NEGR1: variants seen among roughly 807,000 people sequenced by gnomAD.
The protein encoded by NEGR1 is IgLON family member 4.
A neutral mutation model predicts 40.9 loss-of-function variants in NEGR1; 10 were observed. The observed-to-expected ratio is 0.24, with a 90% confidence interval of 0.15 to 0.42. The LOEUF is 0.42. Ranked by LOEUF, NEGR1 falls within the 10% of genes least tolerant of loss-of-function variation. The probability of loss-of-function intolerance (pLI) is 1.00; values close to 1 mark genes in which losing one functional copy is unlikely to be tolerated. For missense variants in NEGR1, 352 were observed against 438.9 expected (o/e 0.80, Z 1.77); for synonymous variants, 185 against 166.8 (o/e 1.11, Z -0.84).
At chr1:71,971,648 A>G (rs900580080) in intron 1 of NEGR1, among the ~76,000 whole-genome samples, 1 of 152,218 alleles carries the variant, frequency 6.6e-6, no homozygotes, top group Non-Finnish European at 1.5e-5. Context: ...ATCACATCCA[A>G]ATTGATCATG....
chr1:71,670,951 C>T (rs1312292699), intron 4 of NEGR1, among the ~76,000 whole-genome samples: 1 of 151,882 alleles, frequency 6.6e-6, no homozygotes, highest in Non-Finnish European at 1.5e-5. Flanking sequence ...CTTTTTGATG[C>T]CTTTAAATAA....
At chr1:72,172,545 T>G (rs2630433) in intron 1 of NEGR1, among the ~76,000 whole-genome samples, 148,891 of 152,220 alleles carry the variant, frequency 0.98, 72,838 homozygotes, top group East Asian at 1. Flanking sequence ...AAATCCATTT[T>G]TCATCATAAA....
intron 5 of NEGR1, among the ~76,000 whole-genome samples, chr1:71,602,010 G>T (rs925755633): frequency 2.2e-4 from 34 of 152,116 alleles, no homozygotes; most frequent in African/African-American, 7.5e-4. Flanking sequence ...AAAGGGACTA[G>T]ATTGTTTTAG....
intron 1 of NEGR1, among the ~76,000 whole-genome samples, chr1:72,178,695 T>TTTTG (rs974289460): frequency 1.3e-5 from 2 of 151,750 alleles, no homozygotes; most frequent in Admixed American, 1.3e-4. Context: ...GTCTGTTTTT[T>TTTTG]TTTGTTTGTT....
At chr1:72,243,544 G>T in intron 1 of NEGR1, among the ~76,000 whole-genome samples, 1 of 151,778 alleles carries the variant, frequency 6.6e-6, no homozygotes, top group East Asian at 1.9e-4. Context: ...ACTGGACTTT[G>T]CAGCAGAGTC....
intron 1 of NEGR1, among the ~76,000 whole-genome samples, chr1:72,196,116 A>G (rs936574169): frequency 6.6e-6 from 1 of 152,062 alleles, no homozygotes. Flanking sequence ...GATTCCTAAT[A>G]ATGCTAAATA....
intron 1 of NEGR1, among the ~76,000 whole-genome samples, chr1:72,101,610 A>G (rs1648949484): frequency 6.6e-6 from 1 of 152,170 alleles, no homozygotes; most frequent in Non-Finnish European, 1.5e-5. Context: ...TCAGAAACTC[A>G]GAAGACTGTA....
intron 6 of NEGR1, among the ~76,000 whole-genome samples, chr1:71,418,403 T>C (rs1316086734): frequency 1.3e-5 from 2 of 151,982 alleles, no homozygotes. Flanking sequence ...ATCCTCTGCC[T>C]CTCGGGTTCA....
intron 2 of NEGR1, among the ~76,000 whole-genome samples, chr1:71,779,487 T>C (rs1656623428): frequency 6.6e-6 from 1 of 152,202 alleles, no homozygotes; most frequent in Non-Finnish European, 1.5e-5. Flanking sequence ...AATTTTGTGT[T>C]GGTTTATTTT....
At chr1:71,519,815 A>T (rs566924197) in intron 6 of NEGR1, among the ~76,000 whole-genome samples, 2 of 152,110 alleles carry the variant, frequency 1.3e-5, no homozygotes, top group East Asian at 3.9e-4. Flanking sequence ...AGTCTTAGGC[A>T]GCCCATTTTG....
chr1:72,207,873 C>T (rs1653466940), intron 1 of NEGR1, among the ~76,000 whole-genome samples: 1 of 151,654 alleles, frequency 6.6e-6, no homozygotes, highest in African/African-American at 2.4e-5. Context: ...AATGTTCTAA[C>T]AATTTATAGT....
chr1:71,465,894 C>T (rs796391326), intron 6 of NEGR1, among the ~76,000 whole-genome samples: 5 of 151,820 alleles, frequency 3.3e-5, no homozygotes, highest in African/African-American at 1.2e-4. Context: ...ATAATAAGTC[C>T]TTGGATTAGA....
At chr1:71,410,744 A>T (rs545689141) in intron 6 of NEGR1, among the ~76,000 whole-genome samples, 3 of 152,144 alleles carry the variant, frequency 2.0e-5, no homozygotes, top group Non-Finnish European at 4.4e-5. Context: ...GTGTGTGTAT[A>T]TGACTGTTGA....
intron 1 of NEGR1, among the ~76,000 whole-genome samples, chr1:72,256,034 C>T (rs1267591899): frequency 6.6e-6 from 1 of 152,144 alleles, no homozygotes; most frequent in African/African-American, 2.4e-5. Flanking sequence ...ATTTAATGCA[C>T]TCATTAATAA....
chr1:71,831,518 T>G (rs1198279453), intron 2 of NEGR1, among the ~76,000 whole-genome samples: 1 of 151,954 alleles, frequency 6.6e-6, no homozygotes, highest in Non-Finnish European at 1.5e-5. Context: ...GAACCTACTG[T>G]GAGTCAAATA....
intron 3 of NEGR1, 60 bp downstream of exon 3, chr1:71,776,107 GAGGTT>G: frequency 8.1e-7 from 1 of 1,234,256 alleles, no homozygotes; most frequent in Non-Finnish European, 1.1e-6. Flanking sequence ...CTGAACAAGT[GAGGTT>G]AGTGAGGTTA....
At chr1:71,532,149 A>C (rs764762385) in intron 6 of NEGR1, among the ~76,000 whole-genome samples, 10 of 151,576 alleles carry the variant, frequency 6.6e-5, no homozygotes, top group Non-Finnish European at 1.3e-4. Flanking sequence ...AATAGCCAGC[A>C]GCCAACATTC....
chr1:72,057,056 C>T (rs1255100263), intron 1 of NEGR1, among the ~76,000 whole-genome samples: 2 of 151,590 alleles, frequency 1.3e-5, no homozygotes, highest in Non-Finnish European at 3.0e-5. Context: ...TTTAGAAGCT[C>T]TTTCTTTCCC....
chr1:72,039,716 T>C (rs1026173200), intron 1 of NEGR1, among the ~76,000 whole-genome samples: 1 of 151,944 alleles, frequency 6.6e-6, no homozygotes, highest in Non-Finnish European at 1.5e-5. Flanking sequence ...TGAGGTCAAA[T>C]AATAAATACT....
Sources: allele counts gnomAD v4.1 joint callset (sites outside exome capture counted in the v4.1 genomes callset), GRCh38; gene constraint gnomAD v4.1.1; transcripts MANE v1.5; gene names NCBI Gene and HGNC (gene_info 2026-07-23, HGNC 2026-07-21).